PHLPP2: variants seen among roughly 807,000 people sequenced by gnomAD.
PHLPP2 encodes PH domain leucine-rich repeat-containing protein phosphatase 2.
A neutral mutation model predicts 124.9 loss-of-function variants in PHLPP2; 66 were observed. The ratio of observed to expected loss-of-function variants is 0.53; its 90% CI spans 0.43 to 0.65. The LOEUF is 0.65. Ranked by LOEUF, PHLPP2 falls within the 30% of genes least tolerant of loss-of-function variation. PHLPP2 has a pLI of 0.00. For missense variants in PHLPP2, 1,685 were observed against 1,600.4 expected (o/e 1.05, Z -0.90); for synonymous variants, 681 against 624.7 (o/e 1.09, Z -1.34).
chr16:71,678,749 C>T lies in PHLPP2; in HGVS notation c.1268+6G>A, dbSNP rs1281292862. 6.9e-7 allele frequency: 1 copy of T among 1,457,834 alleles called. No homozygotes were observed. Among genetic ancestry groups the T allele is most frequent in the Non-Finnish European group, 9.6e-7 (1 of 1,037,692 alleles). The allele number at this position is 1,457,834 out of a possible 1,614,324, so 90.3% of individuals were successfully genotyped here. A position where few individuals can be genotyped will look rare whatever the true frequency, so the allele number is the denominator to read the frequency against. Reference sequence around the variant, plus strand: ...TAAAGGAAGGTGTGGTAAAGAATAACCTTACCTTAAATCCACATGCTTGAT... The same window carrying T: ...TAAAGGAAGGTGTGGTAAAGAATAATCTTACCTTAAATCCACATGCTTGAT... On this transcript the variant is annotated splice_donor_region_variant and intron_variant, in intron 8 of 18. Coordinates refer to ENST00000568954, the MANE Select transcript of PHLPP2 (RefSeq NM_015020.3).
chr16:71,690,369 G>A, intron 4 of PHLPP2, 150 bp downstream of exon 4: 1 of 623,722 alleles, frequency 1.6e-6, no homozygotes, highest in Non-Finnish European at 2.8e-6. Context: ...AATAGCCTCT[G>A]AACCTCTGAA....
chr16:71,651,391 G>A (rs2044695374), intron 18 of PHLPP2, among the ~76,000 whole-genome samples: 1 of 148,594 alleles, frequency 6.7e-6, no homozygotes, highest in African/African-American at 2.5e-5. Context: ...TCTATAAAAA[G>A]ACTAGTCAAA....
At chr16:71,650,538 G>T (rs1356056036) in intron 18 of PHLPP2, among the ~76,000 whole-genome samples, 1 of 152,186 alleles carries the variant, frequency 6.6e-6, no homozygotes, top group Non-Finnish European at 1.5e-5. Context: ...GCCTAAAAAA[G>T]GGGAGTCTGA....
chr16:71,652,292 G>C (rs1029640582), intron 18 of PHLPP2, among the ~76,000 whole-genome samples: 1 of 152,130 alleles, frequency 6.6e-6, no homozygotes, highest in Non-Finnish European at 1.5e-5. Flanking sequence ...AAGTTCTTCT[G>C]AAAGCAAAAA....
In PHLPP2 at chr16:71,720,338, G is replaced by A. The variant is rs1377704203; in HGVS notation, c.-7+3991C>T. Among the ~76,000 whole-genome samples, 8 of 151,388 alleles carry A rather than the reference G, an allele frequency of 5.3e-5. No individual in the cohort carries two copies. In the East Asian group the frequency reaches 1.6e-3, roughly 30 times the overall value. On this transcript the variant is annotated intron_variant, in intron 1 of 18. Coordinates refer to ENST00000568954, the MANE Select transcript of PHLPP2 (RefSeq NM_015020.3). ...TCACTATGTTGGCCAGGCTGGTCTT[G>A]AACTCTTGGCCTCAAATGATCCACC...
intron 2 of PHLPP2, among the ~76,000 whole-genome samples, chr16:71,703,964 A>G (rs1293909507): frequency 6.6e-6 from 1 of 152,202 alleles, no homozygotes; most frequent in East Asian, 1.9e-4. Flanking sequence ...CAAGCACAGG[A>G]AAGTCCGTAT....
chr16:71,670,196 A>T (rs909266272), intron 10 of PHLPP2, among the ~76,000 whole-genome samples: 2 of 152,212 alleles, frequency 1.3e-5, no homozygotes, highest in African/African-American at 4.8e-5. Flanking sequence ...GGGAATAACA[A>T]GCAGCTTGGT....
At chr16:71,679,558 G>T (rs745344535) in intron 6 of PHLPP2, 23 bp from the exon 7 acceptor site, 2 of 1,607,462 alleles carry the variant, frequency 1.2e-6, no homozygotes, top group African/African-American at 2.7e-5. Flanking sequence ...GGCAAAAATG[G>T]GTATTGCATT....
intron 2 of PHLPP2, among the ~76,000 whole-genome samples, chr16:71,709,058 GA>G (rs2045305975): frequency 6.6e-6 from 1 of 152,012 alleles, no homozygotes; most frequent in Non-Finnish European, 1.5e-5. Flanking sequence ...GCTGATTTCA[GA>G]AGTTTTAAAA....
In PHLPP2 at chr16:71,712,371, A is replaced by G. The variant is rs2045329769; in HGVS notation, c.284+2141T>C. On this transcript the variant is annotated intron_variant, in intron 2 of 18. Coordinates refer to ENST00000568954, the MANE Select transcript of PHLPP2 (RefSeq NM_015020.3). ...CTACAGGGCACATAAGTAAATAAAC[A>G]CATAAGTAAATAAACTATCACATTC... 2.0e-5 allele frequency among the ~76,000 whole-genome samples: 3 copies of G among 152,242 alleles called. No individual in the cohort carries two copies. In the South Asian group the frequency reaches 6.2e-4, roughly 32 times the overall value.
At chr16:71,701,108 G>A (rs1176375533) in intron 3 of PHLPP2, among the ~76,000 whole-genome samples, 1 of 152,096 alleles carries the variant, frequency 6.6e-6, no homozygotes, top group African/African-American at 2.4e-5. Context: ...CAGGCCTTCA[G>A]ATGACTAAAA....
intron 11 of PHLPP2, among the ~76,000 whole-genome samples, chr16:71,668,456 T>A (rs906869647): frequency 3.7e-5 from 5 of 136,828 alleles, no homozygotes; most frequent in Non-Finnish European, 7.8e-5. Context: ...GTGAAGGCTC[T>A]GGAGTAAAAA....
chr16:71,695,904 A>G (rs929962399), intron 3 of PHLPP2, among the ~76,000 whole-genome samples: 3 of 152,206 alleles, frequency 2.0e-5, no homozygotes, highest in African/African-American at 7.2e-5. Flanking sequence ...AATTCTGAAC[A>G]GATATACACC....
chr16:71,654,635 A>C (rs1265746783), intron 17 of PHLPP2, among the ~76,000 whole-genome samples: 1 of 152,202 alleles, frequency 6.6e-6, no homozygotes, highest in African/African-American at 2.4e-5. Flanking sequence ...TTCTGAGCAC[A>C]CTTAACGTAG....
chr16:71,672,513 G>A (rs1044742546), intron 9 of PHLPP2, among the ~76,000 whole-genome samples, 191 bp from the exon 10 acceptor site: 1 of 152,202 alleles, frequency 6.6e-6, no homozygotes, highest in African/African-American at 2.4e-5. Context: ...AAAAACAAAT[G>A]TAACAGCTAA....
At chr16:71,677,133 C>T (rs2044954172) in intron 8 of PHLPP2, 1 of 162,598 alleles carries the variant, frequency 6.2e-6, no homozygotes, top group Admixed American at 5.7e-5. Flanking sequence ...ATGAATAACT[C>T]AAGGTACAGC....
chr16:71,645,145 T>A lies in PHLPP2; in HGVS notation c.*3745A>T, dbSNP rs922728216. On this transcript the variant is annotated 3_prime_UTR_variant, in exon 19 of 19. Transcript: ENST00000568954. ...GTAAGATATGAGCCCACTGTCTGGA[T>A]GACATCCACTGGCAACAGTGAGAGA... The A allele has an allele frequency of 1.6e-5, 3 of 192,006 alleles. No homozygotes were observed. The highest frequency in any genetic ancestry group is 4.8e-5 in the African/African-American group (2 of 41,718). The allele number at this position is 192,006 out of a possible 1,614,324, so 11.9% of individuals were successfully genotyped here.
At chr16:71,689,891 T>A (rs2045092055) in intron 4 of PHLPP2, among the ~76,000 whole-genome samples, 1 of 152,220 alleles carries the variant, frequency 6.6e-6, no homozygotes, top group Non-Finnish European at 1.5e-5. Flanking sequence ...ATCCAAAGTG[T>A]GAATTCATGA....
At chr16:71,694,955 T>C (rs984732911) in intron 3 of PHLPP2, among the ~76,000 whole-genome samples, 1 of 151,930 alleles carries the variant, frequency 6.6e-6, no homozygotes, top group Non-Finnish European at 1.5e-5. Context: ...CGGCTAATAT[T>C]TTGTATTTTT....
Sources: gnomAD v4.1 joint callset for allele counts (sites outside exome capture counted in the v4.1 genomes callset) on GRCh38, gnomAD v4.1.1 for gene constraint, MANE v1.5 for transcripts, NCBI Gene and HGNC (gene_info 2026-07-23, HGNC 2026-07-21) for gene names.